The following SEMA5A variants were observed in gnomAD, a reference collection of about 807,000 sequenced individuals.
The protein encoded by SEMA5A is semaphorin 5A.
In SEMA5A, 55 loss-of-function variants were observed where a neutral mutation model predicts 135.5. That is an observed-to-expected ratio of 0.41 (90% confidence interval 0.33 to 0.51). The LOEUF (loss-of-function observed/expected upper bound fraction) is 0.51, where lower values mean the gene tolerates loss of function less well. Ranked by LOEUF, SEMA5A falls within the 20% of genes least tolerant of loss-of-function variation. The pLI is 0.37. For missense variants in SEMA5A, 1,290 were observed against 1,419.9 expected (o/e 0.91, Z 1.47); for synonymous variants, 580 against 546.5 (o/e 1.06, Z -0.85).
At chr5:9,269,856 AT>A (rs1487681589) in intron 5 of SEMA5A, among the ~76,000 whole-genome samples, 1 of 152,136 alleles carries the variant, frequency 6.6e-6, no homozygotes, top group African/African-American at 2.4e-5. Context: ...TAAATTCCGT[AT>A]GACAATGAAC....
rs535909080 is a variant in SEMA5A at position 9,135,552 on chromosome 5, C to A, written c.1599+952G>T. Among the ~76,000 whole-genome samples, 37 of 152,114 alleles carry A rather than the reference C, an allele frequency of 2.4e-4. 1 individual carries two copies. The South Asian group carries it at 7.5e-3, about 31-fold the overall frequency. On this transcript the variant is annotated intron_variant, in intron 13 of 22. Transcript: ENST00000382496. Reference sequence around the variant, plus strand: ...GTTGAGATAACAGAAAGGGTAAGTTCTTTGGTGGGAAACAGGCTGACTGTT... The same window carrying A: ...GTTGAGATAACAGAAAGGGTAAGTTATTTGGTGGGAAACAGGCTGACTGTT...
At chr5:9,094,114 G>T (rs79744254) in intron 16 of SEMA5A, among the ~76,000 whole-genome samples, 2,458 of 152,268 alleles carry the variant, frequency 0.016, 31 homozygotes, top group African/African-American at 0.041. Flanking sequence ...CAGAAAGGAG[G>T]CTCCTTGAGA....
At chr5:9,106,114 C>T (rs1232430988) in intron 16 of SEMA5A, among the ~76,000 whole-genome samples, 3 of 151,968 alleles carry the variant, frequency 2.0e-5, no homozygotes, top group East Asian at 3.9e-4. Context: ...TCCTCATTGC[C>T]GCAATAACAC....
intron 9 of SEMA5A, among the ~76,000 whole-genome samples, chr5:9,197,742 G>GTT (rs879926999): frequency 0.025 from 2,774 of 112,538 alleles, 110 homozygotes; most frequent in East Asian, 0.061. Flanking sequence ...GTGTGTGTGT[G>GTT]TGTGTGTGTG....
chr5:9,411,295 T>C (rs936027536), intron 2 of SEMA5A, among the ~76,000 whole-genome samples: 1 of 152,160 alleles, frequency 6.6e-6, no homozygotes, highest in Admixed American at 6.6e-5. Flanking sequence ...AGTAGACAAA[T>C]AGGAAGTGAG....
chr5:9,302,634 A>G (rs1751665803), intron 5 of SEMA5A, among the ~76,000 whole-genome samples: 2 of 152,216 alleles, frequency 1.3e-5, no homozygotes, highest in South Asian at 4.1e-4. Context: ...CTCAGAGCAC[A>G]AGCACCTAAG....
At chr5:9,459,820 ATTGT>A (rs144217839) in intron 1 of SEMA5A, among the ~76,000 whole-genome samples, 1,764 of 152,316 alleles carry the variant, frequency 0.012, 30 homozygotes, top group African/African-American at 0.04. Context: ...AATCTATATG[ATTGT>A]TTATTCAATG....
At chr5:9,089,792 A>G (rs1048369683) in intron 16 of SEMA5A, among the ~76,000 whole-genome samples, 1 of 152,208 alleles carries the variant, frequency 6.6e-6, no homozygotes, top group South Asian at 2.1e-4. Flanking sequence ...GGTATCCTTC[A>G]TAAGGTGAAA....
intron 1 of SEMA5A, among the ~76,000 whole-genome samples, chr5:9,482,156 G>A (rs73036750): frequency 0.01 from 1,584 of 152,234 alleles, 26 homozygotes; most frequent in African/African-American, 0.036. Context: ...TGGGATGCCC[G>A]TGAATATGCC....
intron 1 of SEMA5A, among the ~76,000 whole-genome samples, chr5:9,488,630 T>C (rs1206620394): frequency 2.6e-5 from 4 of 152,168 alleles, no homozygotes; most frequent in African/African-American, 7.2e-5. Context: ...CTCAAGTTAA[T>C]CAATTCCTAC....
intron 1 of SEMA5A, among the ~76,000 whole-genome samples, chr5:9,467,273 TG>T (rs1017224733): frequency 6.6e-6 from 1 of 152,126 alleles, no homozygotes; most frequent in African/African-American, 2.4e-5. Flanking sequence ...CCACTGTGCC[TG>T]GCTAATTTTT....
intron 16 of SEMA5A, among the ~76,000 whole-genome samples, chr5:9,082,650 G>A (rs1296081891): frequency 6.6e-6 from 1 of 152,138 alleles, no homozygotes; most frequent in Non-Finnish European, 1.5e-5. Context: ...TGCTAATTTT[G>A]AAGTGTTAAG....
intron 3 of SEMA5A, among the ~76,000 whole-genome samples, chr5:9,365,890 C>G (rs541537876): frequency 8.5e-5 from 13 of 152,302 alleles, no homozygotes. Context: ...CAAGAGCCAA[C>G]CCCGTGAGGA....
intron 11 of SEMA5A, among the ~76,000 whole-genome samples, chr5:9,182,933 T>G (rs954844157): frequency 1.3e-5 from 2 of 152,154 alleles, no homozygotes; most frequent in African/African-American, 4.8e-5. Flanking sequence ...TATGCTTAGA[T>G]TAAAATCTGA....
chr5:9,542,193 C>T (rs1738130365), intron 1 of SEMA5A, among the ~76,000 whole-genome samples: 4 of 152,154 alleles, frequency 2.6e-5, no homozygotes, highest in Admixed American at 1.3e-4. Context: ...AAGTGCTTCC[C>T]AGCAGCCACA....
At chr5:9,525,660 C>T (rs1579686353) in intron 1 of SEMA5A, among the ~76,000 whole-genome samples, 1 of 152,174 alleles carries the variant, frequency 6.6e-6, no homozygotes, top group Admixed American at 6.5e-5. Flanking sequence ...ACTGGGACAC[C>T]TCAAAATGCC....
intron 1 of SEMA5A, among the ~76,000 whole-genome samples, chr5:9,464,359 T>A (rs1759174901): frequency 6.6e-6 from 1 of 152,192 alleles, no homozygotes; most frequent in Non-Finnish European, 1.5e-5. Flanking sequence ...ACTAAGAGTA[T>A]GCATACATAC....
chr5:9,341,205 T>TACACAC (rs113319079), intron 3 of SEMA5A, among the ~76,000 whole-genome samples: 1,566 of 144,608 alleles, frequency 0.011, 28 homozygotes, highest in African/African-American at 0.037. Flanking sequence ...CACACACACA[T>TACACAC]ACACACACAC....
At chr5:9,165,253 A>G (rs774126682) in intron 11 of SEMA5A, among the ~76,000 whole-genome samples, 15 of 152,232 alleles carry the variant, frequency 9.9e-5, no homozygotes, top group African/African-American at 1.4e-4. Context: ...AATGTAATAT[A>G]TCTGATATAT....
Sources: allele counts gnomAD v4.1 joint callset (sites outside exome capture counted in the v4.1 genomes callset), GRCh38; gene constraint gnomAD v4.1.1; transcripts MANE v1.5; gene names NCBI Gene and HGNC (gene_info 2026-07-23, HGNC 2026-07-21).